NDST4: variants seen among roughly 807,000 people sequenced by gnomAD.
NDST4 encodes the protein N-deacetylase and N-sulfotransferase 4, also known as N-heparan sulfate sulfotransferase 4.
In NDST4, 63 loss-of-function variants were observed where a neutral mutation model predicts 100.8. The ratio of observed to expected loss-of-function variants is 0.62; its 90% confidence interval spans 0.51 to 0.77. The LOEUF (loss-of-function observed/expected upper bound fraction) is 0.77, where lower values mean the gene tolerates loss of function less well. Among genes scored for constraint, NDST4 ranks in the 30% least tolerant of loss-of-function variants. The pLI is 0.00. For synonymous variants in NDST4, 377 were observed against 361.8 expected, an observed-to-expected ratio of 1.04 and a Z score of -0.48; for missense variants, 943 against 1,018.4, an observed-to-expected ratio of 0.93 and a Z score of 1.01.
intron 4 of NDST4, 61 bp from the exon 5 acceptor site, chr4:114,937,564 T>A: frequency 7.5e-7 from 1 of 1,340,868 alleles, no homozygotes; most frequent in Non-Finnish European, 1.0e-6. Flanking sequence ...GTGAAAATCA[T>A]TTCCACCAAC....
At chr4:115,016,342 C>T (rs1034804124) in intron 2 of NDST4, among the ~76,000 whole-genome samples, 1 of 152,062 alleles carries the variant, frequency 6.6e-6, no homozygotes, top group Non-Finnish European at 1.5e-5. Flanking sequence ...CTGCTTATCC[C>T]ATAGACAGAA....
intron 6 of NDST4, among the ~76,000 whole-genome samples, chr4:114,877,753 G>C: frequency 6.6e-6 from 1 of 152,090 alleles, no homozygotes; most frequent in Admixed American, 6.6e-5. Flanking sequence ...TTTGAGACCA[G>C]CCTGGCCAAA....
chr4:115,021,049 C>T (rs1727801029), intron 2 of NDST4, among the ~76,000 whole-genome samples: 1 of 151,974 alleles, frequency 6.6e-6, no homozygotes, highest in Admixed American at 6.6e-5. Context: ...ATCCAGCAAT[C>T]CCACTATTGG....
intron 6 of NDST4, among the ~76,000 whole-genome samples, chr4:114,932,774 G>GTATAT (rs1725542148): frequency 6.6e-6 from 1 of 151,872 alleles, no homozygotes; most frequent in South Asian, 2.1e-4. Context: ...TGTAACCAAG[G>GTATAT]AAGTTAAATA....
At chr4:115,100,415 A>G (rs927917036) in intron 1 of NDST4, among the ~76,000 whole-genome samples, 7 of 152,018 alleles carry the variant, frequency 4.6e-5, no homozygotes, top group African/African-American at 1.7e-4. Flanking sequence ...AAATATGGAA[A>G]GTCTTTGTAC....
intron 2 of NDST4, among the ~76,000 whole-genome samples, chr4:114,978,881 T>C (rs1726702794): frequency 6.6e-6 from 1 of 152,158 alleles, no homozygotes; most frequent in African/African-American, 2.4e-5. Context: ...AATGGGGTAC[T>C]TCTGAAAATT....
intron 4 of NDST4, among the ~76,000 whole-genome samples, chr4:114,957,251 T>C (rs1726161267): frequency 6.6e-6 from 1 of 152,192 alleles, no homozygotes; most frequent in Admixed American, 6.5e-5. Context: ...TTTAATAGAC[T>C]CACAGTTCCA....
At chr4:115,106,315 C>T (rs906608107) in intron 1 of NDST4, among the ~76,000 whole-genome samples, 3 of 152,000 alleles carry the variant, frequency 2.0e-5, no homozygotes, top group African/African-American at 2.4e-5. Flanking sequence ...TTTGTATTAG[C>T]ATTGTATTAG....
At chr4:115,056,530 A>G (rs1370480061) in intron 2 of NDST4, among the ~76,000 whole-genome samples, 1 of 152,126 alleles carries the variant, frequency 6.6e-6, no homozygotes, top group Non-Finnish European at 1.5e-5. Context: ...AATGATTTGT[A>G]ATTTCATAAA....
chr4:115,049,540 C>T (rs1439940741), intron 2 of NDST4, among the ~76,000 whole-genome samples: 1 of 152,066 alleles, frequency 6.6e-6, no homozygotes, highest in African/African-American at 2.4e-5. Context: ...AAAGTAATCA[C>T]TTTAAATTGA....
chr4:114,952,303 T>A (rs1726034263), intron 4 of NDST4, among the ~76,000 whole-genome samples: 1 of 152,144 alleles, frequency 6.6e-6, no homozygotes. Context: ...GGGGCATTTA[T>A]GTCTTTGAGG....
chr4:115,098,070 T>C (rs1448829172), intron 1 of NDST4, among the ~76,000 whole-genome samples: 1 of 152,168 alleles, frequency 6.6e-6, no homozygotes, highest in African/African-American at 2.4e-5. Flanking sequence ...GTGTGTGTAA[T>C]ACTAACAATC....
chr4:115,067,364 C>T (rs1335323983), intron 2 of NDST4, among the ~76,000 whole-genome samples: 1 of 152,132 alleles, frequency 6.6e-6, no homozygotes, highest in African/African-American at 2.4e-5. Flanking sequence ...GATTTTTCTA[C>T]TAGTTTACCA....
intron 6 of NDST4, among the ~76,000 whole-genome samples, chr4:114,929,441 C>T (rs1482884668): frequency 6.6e-6 from 1 of 152,126 alleles, no homozygotes; most frequent in East Asian, 1.9e-4. Context: ...GATGTGCTAT[C>T]TTATCCATAC....
rs528666713 is a variant in NDST4 at position 115,070,544 on chromosome 4, A to G, written c.978+5515T>C. 8.6e-4 allele frequency among the ~76,000 whole-genome samples: 131 copies of G among 152,334 alleles called. 1 individual carries two copies. The highest frequency in any genetic ancestry group is 3.1e-3 in the African/African-American group (128 of 41,586). ...ATAATTAGTTTCTAGGAGCTTATATACATGAATAATCTTTCTTATATATCT... is the reference window on the plus strand; with the variant it reads ...ATAATTAGTTTCTAGGAGCTTATATGCATGAATAATCTTTCTTATATATCT... On this transcript the variant is annotated intron_variant, in intron 2 of 13. Transcript: ENST00000264363.
intron 7 of NDST4, among the ~76,000 whole-genome samples, chr4:114,860,799 C>G (rs1578349170): frequency 6.6e-6 from 1 of 152,314 alleles, no homozygotes; most frequent in East Asian, 1.9e-4. Flanking sequence ...AAGTACTTGT[C>G]TATGAGAAGA....
At position 114,847,692 on chromosome 4, in the gene NDST4, A is replaced by G. The variant is rs1374547743; in HGVS notation, c.1940+523T>C. Among the ~76,000 whole-genome samples, 12 of 152,262 alleles carry G rather than the reference A, an allele frequency of 7.9e-5. No homozygotes were observed. In the East Asian group the frequency reaches 2.3e-3, roughly 29 times the overall value. On this transcript the variant is annotated intron_variant, in intron 9 of 13. Coordinates refer to ENST00000264363, the MANE Select transcript of NDST4 (RefSeq NM_022569.3). ...TTCATAATTTATCATGTGTTACTTA[A>G]TATTTATTTTATGTACGTGTGTGAC...
chr4:115,021,191 A>G (rs952906306), intron 2 of NDST4, among the ~76,000 whole-genome samples: 1 of 150,876 alleles, frequency 6.6e-6, no homozygotes, highest in African/African-American at 2.4e-5. Context: ...GAATAAAGAA[A>G]CTGTGGTATA....
At chr4:114,841,792 G>A (rs1026375508) in intron 10 of NDST4, among the ~76,000 whole-genome samples, 9 of 152,280 alleles carry the variant, frequency 5.9e-5, no homozygotes, top group Non-Finnish European at 7.4e-5. Flanking sequence ...ATACTGACTC[G>A]TGTATTAGAT....
Sources: gnomAD v4.1 joint callset for allele counts (sites outside exome capture counted in the v4.1 genomes callset) on GRCh38, gnomAD v4.1.1 for gene constraint, MANE v1.5 for transcripts, NCBI Gene and HGNC (gene_info 2026-07-23, HGNC 2026-07-21) for gene names.